PUM1: variants seen among roughly 807,000 people sequenced by gnomAD.
PUM1 encodes the protein pumilio homolog 1.
PUM1 carries 13 observed loss-of-function variants against 131.8 expected under a neutral mutation model. The ratio of observed to expected loss-of-function variants is 0.10; its 90% confidence interval spans 0.06 to 0.16. PUM1 has a LOEUF of 0.16. Among genes scored for constraint, PUM1 ranks in the 10% least tolerant of loss-of-function variants. The pLI, the probability that PUM1 is intolerant of heterozygous loss-of-function variation, is 1.00. For synonymous variants in PUM1, 509 were observed against 556.5 expected (o/e 0.91, Z 1.20); for missense variants, 961 against 1,512.4 (o/e 0.64, Z 6.05).
chr1:31,037,322 A>G (rs1254143572), intron 2 of PUM1: 4 of 152,292 alleles, frequency 2.6e-5, no homozygotes, highest in East Asian at 1.9e-4. Context: ...CTGTCCAAGT[A>G]TCGGTGACGC....
chr1:31,048,910 C>T (rs544228785), intron 2 of PUM1, among the ~76,000 whole-genome samples: 1 of 152,136 alleles, frequency 6.6e-6, no homozygotes, highest in East Asian at 1.9e-4. Context: ...AATTTCACAT[C>T]AAAAACCTTT....
At position 30,992,450 on chromosome 1, in the gene PUM1, C is replaced by G. The variant is rs1270154595; in HGVS notation, c.1098G>C (p.Gln366His). The G allele has an allele frequency of 6.2e-7, 1 of 1,614,206 alleles. No individual in the cohort carries two copies. Among genetic ancestry groups the G allele is most frequent in the African/African-American group, 1.3e-5 (1 of 75,046 alleles). Residue 366 changes from glutamine to histidine, a missense_variant, in exon 7 of 22, where the codon CAG becomes CAC. Gln to His is a conservative substitution (Grantham distance 24). Around this residue, in one of 4 missense-constraint regions of PUM1, gnomAD observed 654 missense variants for 923.9 expected, o/e 0.71. Coordinates refer to ENST00000426105, the MANE Select transcript of PUM1 (RefSeq NM_001020658.2). ...TTGCTGCTGCTGAGTCCACAGGTACCTGCGTGCCTGAATAATCAAACTGAA... is the reference window on the plus strand; with the variant it reads ...TTGCTGCTGCTGAGTCCACAGGTACGTGCGTGCCTGAATAATCAAACTGAA... ...EPLQFDYSGT[Q>H]VPVDSAAATV... is the part of the protein sequence containing the mutation.
At chr1:30,949,661 G>A (rs911186939) in intron 17 of PUM1, among the ~76,000 whole-genome samples, 3 of 152,104 alleles carry the variant, frequency 2.0e-5, no homozygotes, top group African/African-American at 7.3e-5. Context: ...TGCTGATGAA[G>A]TCTGGCACAG....
intron 13 of PUM1, among the ~76,000 whole-genome samples, chr1:30,965,583 T>C (rs1640585095): frequency 6.6e-6 from 1 of 152,238 alleles, no homozygotes; most frequent in Non-Finnish European, 1.5e-5. Context: ...TGAAGAAAAC[T>C]TGTAACTCTT....
At chr1:31,062,252 A>T (rs1459978712) in intron 1 of PUM1, among the ~76,000 whole-genome samples, 2 of 152,232 alleles carry the variant, frequency 1.3e-5, no homozygotes, top group Non-Finnish European at 2.9e-5. Context: ...ACTATGAAAC[A>T]CTAAAGTTCC....
chr1:31,056,701 A>G (rs867977535), intron 2 of PUM1, among the ~76,000 whole-genome samples: 1 of 127,472 alleles, frequency 7.8e-6, no homozygotes, highest in Non-Finnish European at 1.5e-5. Flanking sequence ...ATCTCTGTTC[A>G]CTGCAACTTC....
At chr1:31,031,080 TAG>T (rs1185570042) in intron 2 of PUM1, among the ~76,000 whole-genome samples, 1 of 152,108 alleles carries the variant, frequency 6.6e-6, no homozygotes, top group East Asian at 1.9e-4. Flanking sequence ...GCACAATAAA[TAG>T]ACTCATAAAC....
In PUM1 at chr1:31,051,652, T is replaced by C. The variant is rs549818454; in HGVS notation, c.363+7552A>G. Among the ~76,000 whole-genome samples the C allele has an allele frequency of 2.6e-5, 4 of 151,980 alleles. No homozygotes were observed. In the South Asian group the frequency reaches 6.2e-4, roughly 24 times the overall value. ...CCTGGTTCTCTGGAATTATCTCCTA[T>C]AGGCTGTCAATCTATGATGGATACT... is the stretch of plus-strand genomic sequence containing the variant. On this transcript the variant is annotated intron_variant, in intron 2 of 21. Transcript: ENST00000426105.
At chr1:30,934,410 T>A (rs957527601) in intron 21 of PUM1, among the ~76,000 whole-genome samples, 1 of 152,298 alleles carries the variant, frequency 6.6e-6, no homozygotes, top group East Asian at 1.9e-4. Context: ...GAGAGCTCCA[T>A]GAGGGCACCA....
chr1:31,051,777 C>G (rs1644115774), intron 2 of PUM1, among the ~76,000 whole-genome samples: 1 of 152,154 alleles, frequency 6.6e-6, no homozygotes, highest in Non-Finnish European at 1.5e-5. Context: ...CTACCTCTGT[C>G]CCTCATAATC....
At chr1:31,062,396 G>A (rs1557612773) in intron 1 of PUM1, among the ~76,000 whole-genome samples, 2 of 152,128 alleles carry the variant, frequency 1.3e-5, no homozygotes, top group African/African-American at 4.8e-5. Flanking sequence ...GCGGAGGCAG[G>A]CGCATCTCCA....
intron 9 of PUM1, among the ~76,000 whole-genome samples, chr1:30,979,127 GAA>G (rs1431568694): frequency 7.1e-6 from 1 of 140,950 alleles, no homozygotes; most frequent in Non-Finnish European, 1.5e-5. Context: ...GAGAGAGAGA[GAA>G]AGAAAGAGAA....
chr1:31,054,374 G>A (rs978941623), intron 2 of PUM1, among the ~76,000 whole-genome samples: 4 of 151,852 alleles, frequency 2.6e-5, no homozygotes, highest in Admixed American at 2.0e-4. Flanking sequence ...TTAAATGGGA[G>A]TAATTACGAG....
In PUM1 at chr1:30,957,087, T is replaced by TACACACACACACACACAC. The variant is rs58044891; in HGVS notation, c.2324-3124_2324-3107dup. On this transcript the variant is annotated intron_variant, in intron 14 of 21. Transcript: ENST00000426105. ...CAAGTACATACTACAAGGACATTCATACACACACACACACACACACACACA... is the reference window on the plus strand; with the variant it reads ...CAAGTACATACTACAAGGACATTCATACACACACACACACACACACACACACACACACACACACACACA... Among the ~76,000 whole-genome samples the TACACACACACACACACAC allele has an allele frequency of 4.5e-3, 627 of 139,942 alleles. 5 individuals carry two copies. Among genetic ancestry groups the TACACACACACACACACAC allele is most frequent in the African/African-American group, 7.5e-3 (276 of 36,698 alleles). The allele number at this position is 139,942 out of a possible 152,430, so 91.8% of individuals were successfully genotyped here. A position where few individuals can be genotyped will look rare whatever the true frequency, so the allele number is the denominator to read the frequency against.
intron 5 of PUM1, 77 bp from the exon 6 acceptor site, chr1:30,995,297 A>C: frequency 6.9e-7 from 1 of 1,457,752 alleles, no homozygotes; most frequent in Non-Finnish European, 9.5e-7. Flanking sequence ...GCACCAGACT[A>C]CACTAGATGC....
chr1:30,974,472 T>C (rs529303783), intron 10 of PUM1, among the ~76,000 whole-genome samples, 179 bp downstream of exon 10: 1 of 152,354 alleles, frequency 6.6e-6, no homozygotes, highest in Non-Finnish European at 1.5e-5. Context: ...TAGTGTCTAA[T>C]ATATAAAAGA....
At chr1:30,992,792 CAG>C (rs1375433217) in intron 6 of PUM1, 132 bp from the exon 7 acceptor site, 1 of 783,818 alleles carries the variant, frequency 1.3e-6, no homozygotes, top group African/African-American at 1.7e-5. Context: ...ATAAAATAAC[CAG>C]AGATACTTTA....
At chr1:30,994,288 A>T (rs1163575028) in intron 6 of PUM1, among the ~76,000 whole-genome samples, 2 of 152,158 alleles carry the variant, frequency 1.3e-5, no homozygotes, top group Non-Finnish European at 2.9e-5. Flanking sequence ...CACTGATATT[A>T]AAATTACTCA....
At chr1:30,935,178 T>C (rs971739957) in intron 21 of PUM1, among the ~76,000 whole-genome samples, 4 of 152,164 alleles carry the variant, frequency 2.6e-5, no homozygotes, top group African/African-American at 7.2e-5. Context: ...TTATTTGAAA[T>C]ATACGTGTGA....
Sources: allele counts gnomAD v4.1 joint callset (sites outside exome capture counted in the v4.1 genomes callset), GRCh38; gene constraint gnomAD v4.1.1; regional missense constraint gnomAD v4.1.1; transcripts MANE v1.5; gene names NCBI Gene and HGNC (gene_info 2026-07-23, HGNC 2026-07-21).